The following KCNAB1 variants were observed in gnomAD, a reference collection of about 807,000 sequenced individuals.
KCNAB1 encodes the protein voltage-gated potassium channel subunit beta-1.
In KCNAB1, 35 loss-of-function variants were observed where a neutral mutation model predicts 64.6. That is an observed-to-expected ratio of 0.54 (90% confidence interval 0.41 to 0.72). The LOEUF (loss-of-function observed/expected upper bound fraction) is 0.72, where lower values mean the gene tolerates loss of function less well. KCNAB1 is among the 30% of genes least tolerant of loss of function. The probability of loss-of-function intolerance (pLI) is 0.00; values close to 1 mark genes in which losing one functional copy is unlikely to be tolerated. For synonymous variants in KCNAB1, 177 were observed against 183.8 expected, an observed-to-expected ratio of 0.96 and a Z score of 0.30; for missense variants, 401 against 512.9, an observed-to-expected ratio of 0.78 and a Z score of 2.11.
intron 2 of KCNAB1, among the ~76,000 whole-genome samples, chr3:156,437,518 C>A (rs1716666722): frequency 6.6e-6 from 1 of 152,182 alleles, no homozygotes; most frequent in Non-Finnish European, 1.5e-5. Flanking sequence ...AGAAATTCCA[C>A]TCTGACCCCA....
rs549261713 is a variant in KCNAB1, at chr3:156,314,409, C to T, written c.276-107207C>T. Among the ~76,000 whole-genome samples, 365 of 152,302 alleles carry T rather than the reference C, an allele frequency of 2.4e-3. 4 individuals are homozygous for T. Among genetic ancestry groups the T allele is most frequent in the African/African-American group, 8.3e-3 (345 of 41,568 alleles). On this transcript the variant is annotated intron_variant, in intron 1 of 13. Transcript: ENST00000490337. The stretch of plus-strand genomic sequence containing the variant: ...CCTATAAGGTTAGTGCTATTATCTC[C>T]ATTTTATAGATAAGTAAACAGAGGC...
At chr3:156,425,682 G>A (rs985213941) in intron 2 of KCNAB1, among the ~76,000 whole-genome samples, 1 of 152,212 alleles carries the variant, frequency 6.6e-6, no homozygotes, top group Admixed American at 6.5e-5. Context: ...AAACATTTAT[G>A]AAGCCAGACA....
intron 1 of KCNAB1, among the ~76,000 whole-genome samples, chr3:156,380,765 A>G (rs1051535595): frequency 6.6e-6 from 1 of 152,210 alleles, no homozygotes; most frequent in African/African-American, 2.4e-5. Context: ...TTAAACATCA[A>G]ATAGGTTCAA....
intron 1 of KCNAB1, among the ~76,000 whole-genome samples, chr3:156,121,329 T>C (rs1433024698): frequency 1.3e-5 from 2 of 152,160 alleles, no homozygotes; most frequent in African/African-American, 4.8e-5. Flanking sequence ...TGTGAACTTG[T>C]TGAATGAGGG....
At chr3:156,310,605 C>T (rs1721825028) in intron 1 of KCNAB1, among the ~76,000 whole-genome samples, 1 of 152,090 alleles carries the variant, frequency 6.6e-6, no homozygotes, top group Non-Finnish European at 1.5e-5. Flanking sequence ...AGTTCGAGAC[C>T]ATCCTGGCTA....
At chr3:156,258,004 T>C (rs1036634867) in intron 1 of KCNAB1, among the ~76,000 whole-genome samples, 1 of 152,232 alleles carries the variant, frequency 6.6e-6, no homozygotes, top group Non-Finnish European at 1.5e-5. Flanking sequence ...TTCCAACTTA[T>C]TCTCAAGCAG....
intron 1 of KCNAB1, among the ~76,000 whole-genome samples, chr3:156,148,747 T>A (rs958851650): frequency 2.6e-5 from 4 of 152,218 alleles, no homozygotes; most frequent in African/African-American, 9.6e-5. Context: ...CAAAAAGAAG[T>A]GTGTGTCTAT....
intron 1 of KCNAB1, among the ~76,000 whole-genome samples, chr3:156,370,818 G>C (rs1023411382): frequency 6.6e-6 from 1 of 152,228 alleles, no homozygotes; most frequent in Non-Finnish European, 1.5e-5. Flanking sequence ...ACATACAGGG[G>C]AGAGATTCCG....
At chr3:156,532,761 G>A (rs1472345710) in intron 13 of KCNAB1, among the ~76,000 whole-genome samples, 2 of 152,194 alleles carry the variant, frequency 1.3e-5, no homozygotes, top group Non-Finnish European at 2.9e-5. Flanking sequence ...GTAGCTACGT[G>A]AGGAATTCTC....
At chr3:156,361,193 C>G (rs1246821489) in intron 1 of KCNAB1, among the ~76,000 whole-genome samples, 1 of 152,146 alleles carries the variant, frequency 6.6e-6, no homozygotes, top group African/African-American at 2.4e-5. Context: ...ACACCATCCC[C>G]CGGGATGTTC....
intron 1 of KCNAB1, chr3:156,176,616 C>T: frequency 1.1e-6 from 1 of 916,198 alleles, no homozygotes; most frequent in Non-Finnish European, 1.8e-6. Context: ...TTATCACAGT[C>T]ACCATAGACA....
intron 1 of KCNAB1, among the ~76,000 whole-genome samples, chr3:156,333,319 AACACACACACACACACACACACATAC>A (rs1235081439): frequency 2.8e-5 from 4 of 143,302 alleles, no homozygotes; most frequent in Admixed American, 7.0e-5. Context: ...CGCACATAGA[AACACACACACACACACACACACATAC>A]ACACACACAC....
At chr3:156,259,154 T>C (rs1392454424) in intron 1 of KCNAB1, among the ~76,000 whole-genome samples, 1 of 152,206 alleles carries the variant, frequency 6.6e-6, no homozygotes, top group Non-Finnish European at 1.5e-5. Context: ...CCCTGGCAGC[T>C]AGGAGTTTTG....
At chr3:156,403,851 G>A (rs779198825) in intron 1 of KCNAB1, among the ~76,000 whole-genome samples, 3 of 151,236 alleles carry the variant, frequency 2.0e-5, no homozygotes, top group Non-Finnish European at 4.4e-5. Context: ...CTGAGATCAC[G>A]CCATTGCACT....
chr3:156,196,322 G>A (rs1713937488), intron 1 of KCNAB1, among the ~76,000 whole-genome samples: 1 of 152,174 alleles, frequency 6.6e-6, no homozygotes, highest in African/African-American at 2.4e-5. Context: ...GAAATTTAAA[G>A]TAGTTTTTTC....
At chr3:156,277,521 T>C (rs1345021419) in intron 1 of KCNAB1, among the ~76,000 whole-genome samples, 2 of 152,212 alleles carry the variant, frequency 1.3e-5, no homozygotes, top group Non-Finnish European at 2.9e-5. Flanking sequence ...TCTAGCTTTT[T>C]TCACTTAGCA....
chr3:156,516,119 T>C (rs567014163), intron 10 of KCNAB1, 151 bp from the exon 11 acceptor site: 289 of 576,260 alleles, frequency 5.0e-4, no homozygotes, highest in Non-Finnish European at 7.6e-4. Context: ...TAAATTGTAA[T>C]GGAAAAAAAT....
At chr3:156,430,427 G>C (rs1252623590) in intron 2 of KCNAB1, among the ~76,000 whole-genome samples, 1 of 152,208 alleles carries the variant, frequency 6.6e-6, no homozygotes, top group African/African-American at 2.4e-5. Flanking sequence ...ATTCAAAAAT[G>C]AAACAAGTGG....
chr3:156,396,595 G>A (rs371506467), intron 1 of KCNAB1, among the ~76,000 whole-genome samples: 9 of 152,078 alleles, frequency 5.9e-5, no homozygotes, highest in East Asian at 5.8e-4. Context: ...CCAATTACTG[G>A]ACCCAAAGAA....
Sources: allele counts gnomAD v4.1 joint callset (sites outside exome capture counted in the v4.1 genomes callset), GRCh38; gene constraint gnomAD v4.1.1; transcripts MANE v1.5; gene names NCBI Gene and HGNC (gene_info 2026-07-23, HGNC 2026-07-21).